The following RGS9 variants were observed in gnomAD, a reference collection of about 807,000 sequenced individuals.
The protein encoded by RGS9 is regulator of G-protein signalling 9.
A neutral mutation model predicts 102.0 loss-of-function variants in RGS9; 78 were observed. The observed-to-expected ratio is 0.76, with a 90% CI of 0.64 to 0.92. The LOEUF (loss-of-function observed/expected upper bound fraction) is 0.92, where lower values mean the gene tolerates loss of function less well. Among genes scored for constraint, RGS9 ranks in the 40% least tolerant of loss-of-function variants. The pLI is 0.00. For synonymous variants in RGS9, 353 were observed against 318.6 expected, an observed-to-expected ratio of 1.11 and a Z score of -1.15; for missense variants, 833 against 866.1, an observed-to-expected ratio of 0.96 and a Z score of 0.48.
At chr17:65,143,177 C>T (rs1427277573) in intron 1 of RGS9, among the ~76,000 whole-genome samples, 1 of 152,146 alleles carries the variant, frequency 6.6e-6, no homozygotes, top group Non-Finnish European at 1.5e-5. Context: ...GGGGGTGCTC[C>T]TGGCATCTAG....
intron 16 of RGS9, among the ~76,000 whole-genome samples, chr17:65,209,209 G>A (rs1234900569): frequency 1.3e-5 from 2 of 152,166 alleles, no homozygotes; most frequent in African/African-American, 4.8e-5. Context: ...GGACTACAGT[G>A]GGTGTGAATT....
At chr17:65,169,279 G>A (rs768661974) in intron 8 of RGS9, among the ~76,000 whole-genome samples, 1 of 152,176 alleles carries the variant, frequency 6.6e-6, no homozygotes, top group Non-Finnish European at 1.5e-5. Context: ...GTGTTGCTGA[G>A]GTTAAGGTGC....
chr17:65,147,587 C>CTTTTTTTTTTT (rs36062784), intron 1 of RGS9, among the ~76,000 whole-genome samples: 7 of 103,704 alleles, frequency 6.7e-5, no homozygotes, highest in African/African-American at 3.3e-4. Context: ...CTTTTAAAAA[C>CTTTTTTTTTTT]TTTTTTTTTT....
rs184916572 is a variant in RGS9 at position 65,148,148 on chromosome 17, A to T, written c.58-5274A>T. 2.2e-3 allele frequency among the ~76,000 whole-genome samples: 339 copies of T among 152,292 alleles called. 2 individuals are homozygous for T. The highest frequency in any genetic ancestry group is 7.7e-3 in the African/African-American group (321 of 41,558). Reference sequence around the variant, plus strand: ...TGAATCTGTCTATTCTAGGTACTTCATGTAAGTGGAATCGTGTGGTATTTG... The same window carrying T: ...TGAATCTGTCTATTCTAGGTACTTCTTGTAAGTGGAATCGTGTGGTATTTG... On this transcript the variant is annotated intron_variant, in intron 1 of 18. Coordinates refer to ENST00000262406, the MANE Select transcript of RGS9 (RefSeq NM_003835.4).
intron 18 of RGS9, 188 bp downstream of exon 18, chr17:65,225,674 G>A (rs531484887): frequency 1.5e-4 from 108 of 712,422 alleles, no homozygotes; most frequent in South Asian, 1.3e-3. Flanking sequence ...CTGTCCTCCC[G>A]AGGGAGAAGG....
intron 15 of RGS9, among the ~76,000 whole-genome samples, 162 bp from the exon 16 acceptor site, chr17:65,207,760 C>T (rs2144104086): frequency 6.6e-6 from 1 of 152,250 alleles, no homozygotes; most frequent in Non-Finnish European, 1.5e-5. Context: ...CACTTGAGAA[C>T]CACTGCTCTC....
At chr17:65,156,660 C>T (rs973465250) in intron 2 of RGS9, among the ~76,000 whole-genome samples, 6 of 152,206 alleles carry the variant, frequency 3.9e-5, no homozygotes, top group African/African-American at 1.4e-4. Context: ...ACCATAATCT[C>T]ATTTGATCTA....
intron 2 of RGS9, among the ~76,000 whole-genome samples, chr17:65,156,181 T>A (rs1422866405): frequency 6.6e-6 from 1 of 152,092 alleles, no homozygotes; most frequent in East Asian, 1.9e-4. Flanking sequence ...CACCACCACA[T>A]CCAACTAATT....
At chr17:65,152,756 C>G (rs1258351662) in intron 1 of RGS9, among the ~76,000 whole-genome samples, 1 of 152,212 alleles carries the variant, frequency 6.6e-6, no homozygotes, top group Non-Finnish European at 1.5e-5. Flanking sequence ...GTCAGAAACT[C>G]CTGGGTTTAA....
At chr17:65,142,826 AC>A (rs1397564044) in intron 1 of RGS9, among the ~76,000 whole-genome samples, 1 of 151,998 alleles carries the variant, frequency 6.6e-6, no homozygotes, top group African/African-American at 2.4e-5. Flanking sequence ...CAGGTGCCCC[AC>A]CTGCCCTGCC....
chr17:65,179,783 A>G (rs948303452), intron 9 of RGS9, among the ~76,000 whole-genome samples: 1 of 151,752 alleles, frequency 6.6e-6, no homozygotes, highest in Non-Finnish European at 1.5e-5. Context: ...GGGTGACCAG[A>G]TTACTGTCTT....
chr17:65,221,225 A>G (rs1220043056), intron 17 of RGS9, among the ~76,000 whole-genome samples: 1 of 152,208 alleles, frequency 6.6e-6, no homozygotes, highest in Non-Finnish European at 1.5e-5. Flanking sequence ...GAGTGGAGCC[A>G]GAGATGGACC....
At chr17:65,160,760 C>A (rs902329283) in intron 5 of RGS9, 91 bp from the exon 6 acceptor site, 1 of 1,459,610 alleles carries the variant, frequency 6.9e-7, no homozygotes, top group Non-Finnish European at 9.6e-7. Context: ...GTTCTCTCCC[C>A]GACTCTGAGC....
chr17:65,171,337 T>C (rs1911413248), intron 8 of RGS9, among the ~76,000 whole-genome samples: 1 of 152,194 alleles, frequency 6.6e-6, no homozygotes, highest in South Asian at 2.1e-4. Context: ...CCTGATGCTA[T>C]GATGTAGGGA....
intron 17 of RGS9, among the ~76,000 whole-genome samples, chr17:65,216,066 A>G (rs1913513921): frequency 6.6e-6 from 1 of 152,168 alleles, no homozygotes; most frequent in African/African-American, 2.4e-5. Flanking sequence ...TCAAAGATTG[A>G]GTATAATTTT....
At position 65,225,363 on chromosome 17, in the gene RGS9, G is replaced by A. The variant is rs768330480; in HGVS notation, c.1769G>A (p.Cys590Tyr). 6.2e-7 allele frequency: 1 copy of A among 1,611,928 alleles called. No homozygotes were observed. Among genetic ancestry groups the A allele is most frequent in the Non-Finnish European group, 8.5e-7 (1 of 1,180,028 alleles). Residue 590 changes from cysteine (C) to tyrosine (Y), a missense_variant, in exon 18 of 19, where the codon TGT becomes TAT. By Grantham distance (194) the Cys-to-Tyr change is radical. Around this residue, in one of 3 missense-constraint regions of RGS9, gnomAD observed 320 missense variants for 276.8 expected, o/e 1.16. Transcript: ENST00000262406. Reference sequence around the variant, plus strand: ...TTCAGCAGGTTTCTGAGACGAGGCTGTCTGGCCTCACCTGTCTTTGCCAGG... The same window carrying A: ...TTCAGCAGGTTTCTGAGACGAGGCTATCTGGCCTCACCTGTCTTTGCCAGG... ...LSFSRFLRRG[C>Y]LASPVFARLS...
intron 2 of RGS9, among the ~76,000 whole-genome samples, chr17:65,156,000 A>G (rs77776661): frequency 0.03 from 4,526 of 151,936 alleles, 239 homozygotes; most frequent in African/African-American, 0.1. Flanking sequence ...ATGTGACTCC[A>G]GAGTCCATAT....
At chr17:65,168,509 G>A (rs1911284171) in intron 8 of RGS9, among the ~76,000 whole-genome samples, 2 of 151,480 alleles carry the variant, frequency 1.3e-5, no homozygotes, top group African/African-American at 4.9e-5. Flanking sequence ...AGGTAGGGAG[G>A]GACCTGAATG....
chr17:65,189,626 A>G (rs147665461), intron 10 of RGS9, among the ~76,000 whole-genome samples: 69 of 152,258 alleles, frequency 4.5e-4, no homozygotes, highest in African/African-American at 1.6e-3. Context: ...TGGCCCCTGC[A>G]CCTATCATTA....
Sources: gnomAD v4.1 joint callset for allele counts (sites outside exome capture counted in the v4.1 genomes callset) on GRCh38, gnomAD v4.1.1 for gene constraint, gnomAD v4.1.1 regional missense constraint, MANE v1.5 for transcripts, NCBI Gene and HGNC (gene_info 2026-07-23, HGNC 2026-07-21) for gene names.